The following ZMAT4 variants were observed in gnomAD, a reference collection of about 807,000 sequenced individuals.
The protein encoded by ZMAT4 is zinc finger matrin-type 4.
In ZMAT4, 17 loss-of-function variants were observed where a neutral mutation model predicts 28.7. That is an observed-to-expected ratio of 0.59 (90% CI 0.41 to 0.89). ZMAT4 has a LOEUF of 0.89. Ranked by LOEUF, ZMAT4 falls within the 40% of genes least tolerant of loss-of-function variation. The pLI, the probability that ZMAT4 is intolerant of heterozygous loss-of-function variation, is 0.00. For synonymous variants in ZMAT4, 117 were observed against 109.2 expected (o/e 1.07, Z -0.44); for missense variants, 240 against 283.8 (o/e 0.85, Z 1.11).
chr8:40,734,409 T>C (rs573610186), intron 3 of ZMAT4, among the ~76,000 whole-genome samples: 2 of 152,304 alleles, frequency 1.3e-5, no homozygotes, highest in African/African-American at 4.8e-5. Context: ...CACAATTGAC[T>C]TCGTGAGACT....
At chr8:40,794,778 T>A (rs1156300663) in intron 2 of ZMAT4, among the ~76,000 whole-genome samples, 6 of 152,104 alleles carry the variant, frequency 3.9e-5, no homozygotes, top group Non-Finnish European at 2.9e-5. Flanking sequence ...TCTCTGGGTC[T>A]TTGTCTCAGC....
intron 3 of ZMAT4, among the ~76,000 whole-genome samples, chr8:40,710,097 T>C (rs967850997): frequency 6.7e-6 from 1 of 149,806 alleles, no homozygotes; most frequent in African/African-American, 2.5e-5. Context: ...TATAGATATA[T>C]AAATAGATAT....
intron 6 of ZMAT4, among the ~76,000 whole-genome samples, chr8:40,557,268 T>C (rs1803573531): frequency 6.6e-6 from 1 of 152,190 alleles, no homozygotes; most frequent in South Asian, 2.1e-4. Context: ...ATATGGTATA[T>C]ATACACAATA....
chr8:40,579,931 C>A (rs1464189049), intron 6 of ZMAT4, among the ~76,000 whole-genome samples: 1 of 151,468 alleles, frequency 6.6e-6, no homozygotes, highest in Non-Finnish European at 1.5e-5. Flanking sequence ...GCACACGTGG[C>A]ATTAGAGAAC....
intron 6 of ZMAT4, among the ~76,000 whole-genome samples, chr8:40,554,056 T>C (rs564410856): frequency 5.9e-5 from 9 of 152,234 alleles, no homozygotes; most frequent in South Asian, 4.1e-4. Flanking sequence ...TCATGTCATA[T>C]CATATCATAT....
intron 5 of ZMAT4, among the ~76,000 whole-genome samples, chr8:40,581,490 A>G (rs1302991275): frequency 6.6e-6 from 1 of 152,200 alleles, no homozygotes; most frequent in Non-Finnish European, 1.5e-5. Flanking sequence ...TTAAATTATT[A>G]GAGCATCCTT....
At chr8:40,728,281 TG>T (rs1811389682) in intron 3 of ZMAT4, among the ~76,000 whole-genome samples, 1 of 152,246 alleles carries the variant, frequency 6.6e-6, no homozygotes. Flanking sequence ...ATTTAAAGTC[TG>T]GTATATTAGT....
intron 2 of ZMAT4, 94 bp from the exon 3 acceptor site, chr8:40,767,824 T>C: frequency 1.0e-6 from 1 of 983,366 alleles, no homozygotes; most frequent in Non-Finnish European, 1.5e-6. Context: ...AAAAGAAATG[T>C]ATTTTCAGTA....
At chr8:40,639,815 A>T (rs1313601745) in intron 5 of ZMAT4, among the ~76,000 whole-genome samples, 1 of 149,834 alleles carries the variant, frequency 6.7e-6, no homozygotes. Flanking sequence ...CTTTGTATAT[A>T]TTCTATTGTA....
At chr8:40,675,075 C>A in intron 4 of ZMAT4, 144 bp from the exon 5 acceptor site, 4 of 537,874 alleles carry the variant, frequency 7.4e-6, no homozygotes, top group South Asian at 4.0e-5. Flanking sequence ...GGAAAATTAG[C>A]CCTGCCAGCT....
intron 1 of ZMAT4, among the ~76,000 whole-genome samples, chr8:40,872,648 C>T (rs1817902960): frequency 6.6e-6 from 1 of 152,094 alleles, no homozygotes; most frequent in Non-Finnish European, 1.5e-5. Context: ...TTCCAGCAGT[C>T]CCTCACTCCA....
intron 6 of ZMAT4, among the ~76,000 whole-genome samples, chr8:40,540,985 A>C (rs569411542): frequency 2.0e-5 from 3 of 152,288 alleles, no homozygotes; most frequent in African/African-American, 7.2e-5. Flanking sequence ...GCCCAACTTC[A>C]AATTCCAGTT....
intron 5 of ZMAT4, among the ~76,000 whole-genome samples, chr8:40,602,726 G>T (rs1384282264): frequency 6.6e-6 from 1 of 151,884 alleles, no homozygotes; most frequent in South Asian, 2.1e-4. Context: ...GGGATTATTT[G>T]GGGATTTTTG....
intron 2 of ZMAT4, among the ~76,000 whole-genome samples, chr8:40,813,068 A>C (rs1815392904): frequency 6.6e-6 from 1 of 151,884 alleles, no homozygotes; most frequent in Non-Finnish European, 1.5e-5. Flanking sequence ...GTACCATAGC[A>C]ATGTAAGATG....
intron 2 of ZMAT4, among the ~76,000 whole-genome samples, chr8:40,780,149 A>C (rs1813771357): frequency 1.3e-5 from 2 of 152,148 alleles, no homozygotes; most frequent in Admixed American, 1.3e-4. Context: ...TTCTCCCCAT[A>C]AGCCTGCGGT....
At chr8:40,592,303 T>C (rs1443895662) in intron 5 of ZMAT4, among the ~76,000 whole-genome samples, 3 of 152,146 alleles carry the variant, frequency 2.0e-5, no homozygotes, top group Non-Finnish European at 2.9e-5. Flanking sequence ...CCCTCTGAGT[T>C]CAATCTAAGA....
chr8:40,743,657 G>A (rs927521702), intron 3 of ZMAT4, among the ~76,000 whole-genome samples: 1 of 152,206 alleles, frequency 6.6e-6, no homozygotes. Flanking sequence ...GAAGCCCTGG[G>A]TACACAGGAC....
At chr8:40,588,677 G>A (rs2118569653) in intron 5 of ZMAT4, among the ~76,000 whole-genome samples, 1 of 152,176 alleles carries the variant, frequency 6.6e-6, no homozygotes, top group South Asian at 2.1e-4. Flanking sequence ...TGAGGGGATT[G>A]CAAAATGGAA....
At chr8:40,695,278 A>G (rs559603035) in intron 4 of ZMAT4, among the ~76,000 whole-genome samples, 6 of 152,294 alleles carry the variant, frequency 3.9e-5, no homozygotes, top group African/African-American at 1.4e-4. Flanking sequence ...CTCCCTGCCA[A>G]CAGCTGGGTT....
Sources: allele counts gnomAD v4.1 joint callset (sites outside exome capture counted in the v4.1 genomes callset), GRCh38; gene constraint gnomAD v4.1.1; transcripts MANE v1.5; gene names NCBI Gene and HGNC (gene_info 2026-07-23, HGNC 2026-07-21).